Variants in LCLAT1 observed in about 807,000 individuals in gnomAD.
LCLAT1 encodes the protein 1-AGP acyltransferase 8.
LCLAT1 carries 11 observed loss-of-function variants against 30.7 expected under a neutral mutation model. That is an observed-to-expected ratio of 0.36 (90% CI 0.23 to 0.59). The LOEUF is 0.59. Among genes scored for constraint, LCLAT1 ranks in the 20% least tolerant of loss-of-function variants. The pLI, the probability that LCLAT1 is intolerant of heterozygous loss-of-function variation, is 0.77. For missense variants in LCLAT1, 402 were observed against 458.6 expected (o/e 0.88, Z 1.13); for synonymous variants, 155 against 151.3 (o/e 1.02, Z -0.18).
intron 1 of LCLAT1, among the ~76,000 whole-genome samples, chr2:30,451,335 T>C (rs1681539362): frequency 6.6e-6 from 1 of 152,228 alleles, no homozygotes. Context: ...TGTCAAATGG[T>C]ACAGTCACTT....
intron 1 of LCLAT1, among the ~76,000 whole-genome samples, chr2:30,491,076 A>G (rs1304345740): frequency 6.6e-6 from 1 of 152,218 alleles, no homozygotes; most frequent in African/African-American, 2.4e-5. Context: ...TGTGGCTTAC[A>G]TTATATTTCT....
intron 5 of LCLAT1, among the ~76,000 whole-genome samples, chr2:30,598,430 A>G (rs369732635): frequency 9.3e-6 from 1 of 107,938 alleles, no homozygotes; most frequent in Non-Finnish European, 2.0e-5. Flanking sequence ...TTTTTTTTTT[A>G]TTTGCAGAGG....
At chr2:30,596,595 C>CTGTT (rs1666939707) in intron 5 of LCLAT1, among the ~76,000 whole-genome samples, 1 of 151,338 alleles carries the variant, frequency 6.6e-6, no homozygotes, top group Non-Finnish European at 1.5e-5. Context: ...TGTAGAATGT[C>CTGTT]TGTTTGCTCT....
At chr2:30,560,373 G>A (rs560359465) in intron 3 of LCLAT1, among the ~76,000 whole-genome samples, 24 of 151,418 alleles carry the variant, frequency 1.6e-4, no homozygotes, top group African/African-American at 5.8e-4. Flanking sequence ...GCCCAACTAT[G>A]TTGTTGTGTG....
chr2:30,525,038 G>GT (rs1685642110), intron 1 of LCLAT1, among the ~76,000 whole-genome samples: 2 of 69,954 alleles, frequency 2.9e-5, no homozygotes, highest in Non-Finnish European at 8.2e-5. Context: ...ATGGTTTTAT[G>GT]TTAAAAAAAA....
At chr2:30,546,652 C>T (rs1349677160) in intron 3 of LCLAT1, among the ~76,000 whole-genome samples, 1 of 152,084 alleles carries the variant, frequency 6.6e-6, no homozygotes, top group Non-Finnish European at 1.5e-5. Flanking sequence ...ACTGAAGTCA[C>T]CTTAATTTTA....
chr2:30,568,244 C>T (rs1486132165), intron 5 of LCLAT1, 68 bp downstream of exon 5: 2 of 680,206 alleles, frequency 2.9e-6, no homozygotes, highest in Non-Finnish European at 5.0e-6. Context: ...TATATATAGC[C>T]CTTTAGAGTT....
chr2:30,604,943 T>C (rs1409272060), intron 5 of LCLAT1, among the ~76,000 whole-genome samples: 2 of 152,218 alleles, frequency 1.3e-5, no homozygotes. Context: ...TCAAGGCATC[T>C]GTGTCCTTGC....
intron 3 of LCLAT1, among the ~76,000 whole-genome samples, chr2:30,554,742 T>G (rs887255584): frequency 6.6e-6 from 1 of 152,162 alleles, no homozygotes; most frequent in Non-Finnish European, 1.5e-5. Context: ...TCTTGAAGAT[T>G]AAGAATATGA....
At chr2:30,479,826 T>G (rs1394616578) in intron 1 of LCLAT1, among the ~76,000 whole-genome samples, 1 of 152,104 alleles carries the variant, frequency 6.6e-6, no homozygotes, top group African/African-American at 2.4e-5. Context: ...AAGAAAAAAG[T>G]AAAAGAAACA....
chr2:30,456,638 A>C (rs898570472), intron 1 of LCLAT1, among the ~76,000 whole-genome samples: 45 of 151,764 alleles, frequency 3.0e-4, no homozygotes, highest in African/African-American at 1.1e-3. Flanking sequence ...GGCTTAGGAG[A>C]GCAGGGGTTT....
chr2:30,474,493 T>G (rs1421394601), intron 1 of LCLAT1, among the ~76,000 whole-genome samples: 2 of 152,168 alleles, frequency 1.3e-5, no homozygotes, highest in African/African-American at 4.8e-5. Flanking sequence ...CTTGATCCTC[T>G]TGCCTTAGCC....
At chr2:30,638,955 C>T (rs1190098114) in intron 5 of LCLAT1, among the ~76,000 whole-genome samples, 1 of 151,968 alleles carries the variant, frequency 6.6e-6, no homozygotes, top group Admixed American at 6.6e-5. Context: ...TCAAACTATT[C>T]TACCTCTTTT....
chr2:30,538,091 G>A (rs1452178895), intron 3 of LCLAT1, among the ~76,000 whole-genome samples: 2 of 151,830 alleles, frequency 1.3e-5, no homozygotes, highest in Admixed American at 6.6e-5. Flanking sequence ...TAGTAAGAGC[G>A]CAGCTTATAG....
At chr2:30,566,332 A>G (rs373605820) in intron 4 of LCLAT1, among the ~76,000 whole-genome samples, 4 of 152,310 alleles carry the variant, frequency 2.6e-5, no homozygotes, top group South Asian at 2.1e-4. Flanking sequence ...TGTGGTGTCT[A>G]TGGGATTCCT....
chr2:30,511,802 G>C (rs1684952404), intron 1 of LCLAT1, among the ~76,000 whole-genome samples: 1 of 152,192 alleles, frequency 6.6e-6, no homozygotes, highest in Admixed American at 6.5e-5. Flanking sequence ...CGGTAGGAGA[G>C]GGACAGTTAC....
At chr2:30,542,994 T>G (rs1664220502) in intron 3 of LCLAT1, among the ~76,000 whole-genome samples, 1 of 151,260 alleles carries the variant, frequency 6.6e-6, no homozygotes, top group East Asian at 1.9e-4. Context: ...GCTATTCTTT[T>G]AGTATAATGT....
At chr2:30,617,654 T>C (rs965476730) in intron 5 of LCLAT1, among the ~76,000 whole-genome samples, 2 of 152,168 alleles carry the variant, frequency 1.3e-5, no homozygotes, top group East Asian at 1.9e-4. Context: ...AAACCTGATA[T>C]TGTTAGCCTT....
chr2:30,476,544 T>C (rs1029755374), intron 1 of LCLAT1: 4 of 455,658 alleles, frequency 8.8e-6, no homozygotes, highest in African/African-American at 8.0e-5. Flanking sequence ...ATCTAATGCC[T>C]GATGATCTGT....
Sources: gnomAD v4.1 joint callset for allele counts (sites outside exome capture counted in the v4.1 genomes callset) on GRCh38, gnomAD v4.1.1 for gene constraint, MANE v1.5 for transcripts, NCBI Gene and HGNC (gene_info 2026-07-23, HGNC 2026-07-21) for gene names.